CSRNP3: variants seen among roughly 807,000 people sequenced by gnomAD.
The protein encoded by CSRNP3 is cysteine/serine-rich nuclear protein 3.
In CSRNP3, 12 loss-of-function variants were observed where a neutral mutation model predicts 48.0. That is an observed-to-expected ratio of 0.25 (90% CI 0.16 to 0.41). The LOEUF (loss-of-function observed/expected upper bound fraction) is 0.41. Among genes scored for constraint, CSRNP3 ranks in the 10% least tolerant of loss-of-function variants. The probability of loss-of-function intolerance (pLI) is 1.00; values close to 1 mark genes in which losing one functional copy is unlikely to be tolerated. For synonymous variants in CSRNP3, 263 were observed against 269.7 expected (o/e 0.98, Z 0.24); for missense variants, 580 against 724.4 (o/e 0.80, Z 2.29).
chr2:165,471,509 A>T (rs1299824450), intron 1 of CSRNP3, among the ~76,000 whole-genome samples: 3 of 152,040 alleles, frequency 2.0e-5, no homozygotes, highest in Non-Finnish European at 4.4e-5. Flanking sequence ...AATTGATGAA[A>T]ATTAGAGAGC....
chr2:165,597,628 T>G (rs1441599956), intron 4 of CSRNP3, among the ~76,000 whole-genome samples: 3 of 152,064 alleles, frequency 2.0e-5, no homozygotes, highest in East Asian at 1.9e-4. Flanking sequence ...AGTATTAAAC[T>G]TATTTGCTAT....
At chr2:165,625,601 T>C (rs985545267) in intron 4 of CSRNP3, among the ~76,000 whole-genome samples, 7 of 150,364 alleles carry the variant, frequency 4.7e-5, no homozygotes, top group African/African-American at 1.7e-4. Flanking sequence ...GCCACTGCAC[T>C]CCCACCTCAG....
chr2:165,615,893 T>TG (rs1686232873), intron 4 of CSRNP3, among the ~76,000 whole-genome samples: 1 of 60,402 alleles, frequency 1.7e-5, no homozygotes, highest in South Asian at 4.6e-4. Context: ...GTGGGGTTTT[T>TG]TTTTTTTTTT....
In CSRNP3 at chr2:165,679,041, G is replaced by A. The variant is rs775949790; in HGVS notation, c.1046G>A (p.Gly349Glu). 3.1e-6 allele frequency: 5 copies of A among 1,613,764 alleles called. No homozygotes were observed. In the South Asian group the frequency reaches 3.3e-5, roughly 11 times the overall value. The change falls in exon 7 of 7, where the codon GGG becomes GAG. Residue 349 changes from glycine to glutamate, a missense_variant. Gly to Glu is a moderately conservative substitution (Grantham distance 98, BLOSUM62 -2). Transcript: ENST00000651982. ...GAGGAGGAGGAAGAAGAGGAGGATG[G>A]GAGCAGCTTTTGCAGCGGAGTCACA... Reference protein sequence around the residue: ...QGEEEEEEEDGSSFCSGVTDS... With the variant: ...QGEEEEEEEDESSFCSGVTDS...
At chr2:165,534,552 C>T (rs1329056594) in intron 3 of CSRNP3, among the ~76,000 whole-genome samples, 5 of 151,838 alleles carry the variant, frequency 3.3e-5, no homozygotes, top group Non-Finnish European at 7.4e-5. Context: ...AGAGAATGTT[C>T]ACTGACACAT....
intron 3 of CSRNP3, among the ~76,000 whole-genome samples, chr2:165,532,044 C>A (rs546155920): frequency 7.8e-4 from 119 of 152,198 alleles, no homozygotes; most frequent in African/African-American, 2.8e-3. Flanking sequence ...CAATAACAGG[C>A]TCTGAAATTG....
rs1195131266 is a variant in CSRNP3 at position 165,678,916 on chromosome 2, C to T, written c.921C>T (p.His307=). Residue 307 remains histidine (H), a synonymous_variant, in exon 7 of 7, where the codon CAC becomes CAT. Coordinates refer to ENST00000651982, the MANE Select transcript of CSRNP3 (RefSeq NM_001172173.2). ...GTAGTTCTATGGGCCCTGTCGCTCACTCCGTAGAATATTCAATCGCAGACA... is the reference window on the plus strand; with the variant it reads ...GTAGTTCTATGGGCCCTGTCGCTCATTCCGTAGAATATTCAATCGCAGACA... The part of the protein sequence containing the change: ...AHSSSMGPVA[H]SVEYSIADSF... 1.2e-6 allele frequency: 2 copies of T among 1,614,032 alleles called. No homozygotes were observed. The highest frequency in any genetic ancestry group is 1.7e-6 in the Non-Finnish European group (2 of 1,179,998).
At chr2:165,669,223 T>G (rs1573959070) in intron 5 of CSRNP3, among the ~76,000 whole-genome samples, 2 of 152,228 alleles carry the variant, frequency 1.3e-5, no homozygotes. Flanking sequence ...AATTCAGTAA[T>G]GACCAGAAAA....
At chr2:165,647,841 T>C (rs1230660144) in intron 4 of CSRNP3, among the ~76,000 whole-genome samples, 1 of 152,190 alleles carries the variant, frequency 6.6e-6, no homozygotes, top group Non-Finnish European at 1.5e-5. Flanking sequence ...TGAGCATATG[T>C]AAGCTAGGCT....
chr2:165,625,826 G>A (rs1425510611), intron 4 of CSRNP3, among the ~76,000 whole-genome samples: 1 of 150,776 alleles, frequency 6.6e-6, no homozygotes, highest in East Asian at 2.0e-4. Context: ...CCAGCTACTC[G>A]GCAGGCTGAG....
intron 3 of CSRNP3, among the ~76,000 whole-genome samples, chr2:165,546,280 TC>T: frequency 6.6e-6 from 1 of 151,970 alleles, no homozygotes; most frequent in Non-Finnish European, 1.5e-5. Flanking sequence ...CAACCTCTGT[TC>T]AATTGGGTTC....
At chr2:165,616,623 G>A (rs909528639) in intron 4 of CSRNP3, among the ~76,000 whole-genome samples, 2 of 152,148 alleles carry the variant, frequency 1.3e-5, no homozygotes, top group Non-Finnish European at 2.9e-5. Context: ...GAAATCTGCT[G>A]TTAATGTGAG....
rs1317909805 is a variant in CSRNP3 at position 165,680,788 on chromosome 2, T to A, written c.*1035T>A. On this transcript the variant is annotated 3_prime_UTR_variant, in exon 7 of 7. Coordinates refer to ENST00000651982, the MANE Select transcript of CSRNP3 (RefSeq NM_001172173.2). ...ATACTTATGAAGGGAAAATGACCTA[T>A]TTTCCTTCACCACTCTGAGGACCTA... 2.0e-5 allele frequency: 3 copies of A among 152,158 alleles called. No individual in the cohort carries two copies. Among genetic ancestry groups the A allele is most frequent in the Non-Finnish European group, 4.4e-5 (3 of 68,032 alleles). The allele number at this position is 152,158 out of a possible 1,614,324, so 9.4% of individuals were successfully genotyped here.
chr2:165,489,940 C>T (rs1286158406), intron 1 of CSRNP3, among the ~76,000 whole-genome samples: 1 of 151,326 alleles, frequency 6.6e-6, no homozygotes, highest in Middle Eastern at 3.2e-3. Flanking sequence ...GTTGGAAGTT[C>T]TGGCCAGGGC....
chr2:165,489,763 A>G, intron 1 of CSRNP3, among the ~76,000 whole-genome samples: 1 of 127,136 alleles, frequency 7.9e-6, no homozygotes, highest in Non-Finnish European at 1.6e-5. Context: ...CATGCTAAAA[A>G]CTCTCAATAA....
At chr2:165,602,934 G>T (rs149931523) in intron 4 of CSRNP3, among the ~76,000 whole-genome samples, 1 of 150,580 alleles carries the variant, frequency 6.6e-6, no homozygotes, top group African/African-American at 2.4e-5. Context: ...TCTCGCTGTC[G>T]CCCAGGCTGG....
rs1685413553 is a variant in CSRNP3, at chr2:165,574,229, G to A, written c.-23-20814G>A. On this transcript the variant is annotated intron_variant, in intron 3 of 6. Coordinates refer to ENST00000651982, the MANE Select transcript of CSRNP3 (RefSeq NM_001172173.2). ...CTTATGCAAATGAGACCAGCTCGGA[G>A]GCTTTGACTGCAGAAGCGAGAGGAG... 4.7e-6 allele frequency: 3 copies of A among 633,988 alleles called. No homozygotes were observed. The South Asian group carries it at 6.3e-5, about 13-fold the overall frequency. 39.3% of individuals were successfully genotyped at this position (633,988 alleles called of 1,614,324 possible).
chr2:165,572,068 T>A (rs1685381141), intron 3 of CSRNP3, among the ~76,000 whole-genome samples: 1 of 152,114 alleles, frequency 6.6e-6, no homozygotes, highest in East Asian at 1.9e-4. Context: ...TTTTGCAAGT[T>A]CTCCTTCCTT....
intron 3 of CSRNP3, among the ~76,000 whole-genome samples, chr2:165,521,352 A>T (rs1296618198): frequency 6.6e-6 from 1 of 152,156 alleles, no homozygotes; most frequent in African/African-American, 2.4e-5. Context: ...CTGGTTGAGG[A>T]CAACTGAAAC....
Sources: gnomAD v4.1 joint callset for allele counts (sites outside exome capture counted in the v4.1 genomes callset) on GRCh38, gnomAD v4.1.1 for gene constraint, MANE v1.5 for transcripts, NCBI Gene and HGNC (gene_info 2026-07-23, HGNC 2026-07-21) for gene names.